PNPLA1: variants seen among roughly 807,000 people sequenced by gnomAD.
PNPLA1 encodes the protein omega-hydroxyceramide transacylase.
PNPLA1 carries 36 observed loss-of-function variants against 51.7 expected under a neutral mutation model. The observed-to-expected ratio is 0.70, with a 90% CI of 0.53 to 0.92. The LOEUF (loss-of-function observed/expected upper bound fraction) is 0.92, where lower values mean the gene tolerates loss of function less well. Among genes scored for constraint, PNPLA1 ranks in the 40% least tolerant of loss-of-function variants. The pLI is 0.00. For synonymous variants in PNPLA1, 293 were observed against 280.1 expected (o/e 1.05, Z -0.46); for missense variants, 658 against 682.5 (o/e 0.96, Z 0.40).
upstream of PNPLA1, among the ~76,000 whole-genome samples, chr6:36,266,077 G>A (rs74891975): frequency 0.031 from 4,714 of 152,278 alleles, 106 homozygotes; most frequent in East Asian, 0.11. Context: ...CCCACTTGAT[G>A]AGGCACTAAA....
intron 6 of PNPLA1, among the ~76,000 whole-genome samples, chr6:36,303,127 C>T (rs1000945539): frequency 1.3e-5 from 2 of 152,098 alleles, no homozygotes; most frequent in Admixed American, 6.5e-5. Flanking sequence ...TGGAATCTCG[C>T]TCTGTCGCCC....
intron 1 of PNPLA1, among the ~76,000 whole-genome samples, chr6:36,290,040 A>T (rs1770627221): frequency 6.6e-6 from 1 of 152,184 alleles, no homozygotes; most frequent in South Asian, 2.1e-4. Context: ...AGTTGGAAGG[A>T]ATCTTAGCCC....
chr6:36,303,824 C>T (rs142920125), intron 6 of PNPLA1, among the ~76,000 whole-genome samples: 16 of 152,258 alleles, frequency 1.1e-4, no homozygotes, highest in African/African-American at 3.9e-4. Context: ...AAGAGTGAAA[C>T]TCCATTTAAA....
intron 1 of PNPLA1, among the ~76,000 whole-genome samples, chr6:36,256,735 T>G (rs1769542245): frequency 6.6e-6 from 1 of 152,136 alleles, no homozygotes; most frequent in South Asian, 2.1e-4. Context: ...TGTGAGCCAC[T>G]GCGCCTGGCC....
intron 1 of PNPLA1, among the ~76,000 whole-genome samples, chr6:36,276,704 A>T (rs1456065878): frequency 6.6e-6 from 1 of 152,184 alleles, no homozygotes; most frequent in African/African-American, 2.4e-5. Flanking sequence ...TCCCCATAAA[A>T]AACTGGCAAG....
chr6:36,258,740 G>A (rs556152285), intron 1 of PNPLA1, among the ~76,000 whole-genome samples: 1 of 152,322 alleles, frequency 6.6e-6, no homozygotes, highest in East Asian at 1.9e-4. Context: ...CTGCCCTGAA[G>A]AAGGTAAACA....
At chr6:36,290,608 T>C (rs1321491306) in intron 1 of PNPLA1, among the ~76,000 whole-genome samples, 2 of 152,222 alleles carry the variant, frequency 1.3e-5, no homozygotes, top group East Asian at 3.8e-4. Flanking sequence ...CTGGTGGGGT[T>C]CTGGGGACTT....
chr6:36,252,698 C>T (rs537118996), intron 1 of PNPLA1, among the ~76,000 whole-genome samples: 49 of 152,070 alleles, frequency 3.2e-4, no homozygotes, highest in Admixed American at 5.9e-4. Flanking sequence ...GGGGAAGCCT[C>T]GTGGAGAGGA....
intron 1 of PNPLA1, among the ~76,000 whole-genome samples, chr6:36,275,235 C>T (rs114831776): frequency 0.012 from 1,783 of 152,142 alleles, 32 homozygotes; most frequent in African/African-American, 0.039. Flanking sequence ...CATGCCACCA[C>T]GCCCGGCTAA....
chr6:36,263,494 C>T (rs971698751), intron 1 of PNPLA1, among the ~76,000 whole-genome samples: 2 of 152,152 alleles, frequency 1.3e-5, no homozygotes, highest in African/African-American at 4.8e-5. Context: ...TTTCATAGCC[C>T]TCAGACTGGC....
rs1769867527 is a variant in PNPLA1, at chr6:36,270,218, T to G, written c.-242T>G. On this transcript the variant is annotated 5_prime_UTR_variant, in exon 1 of 9. Transcript: ENST00000636260. ...CTGCTCACACACCGGGGGAGCCTTC[T>G]GCATCTCATTCTGGGGCCCCTTTCC... 6.6e-6 allele frequency among the ~76,000 whole-genome samples: 1 copy of G among 152,256 alleles called. No individual in the cohort carries two copies. Among genetic ancestry groups the G allele is most frequent in the Non-Finnish European group, 1.5e-5 (1 of 68,036 alleles).
chr6:36,275,233 C>T (rs927164813), intron 1 of PNPLA1, among the ~76,000 whole-genome samples: 1 of 152,076 alleles, frequency 6.6e-6, no homozygotes, highest in African/African-American at 2.4e-5. Context: ...TGCATGCCAC[C>T]ACGCCCGGCT....
At chr6:36,283,723 A>G (rs766863884) in intron 1 of PNPLA1, among the ~76,000 whole-genome samples, 3 of 152,256 alleles carry the variant, frequency 2.0e-5, no homozygotes. Context: ...AACACAAGTT[A>G]GAAGCAGGAT....
At chr6:36,300,178 T>TGTGTGTGTGTGTGTGTGTGAGA in intron 5 of PNPLA1, among the ~76,000 whole-genome samples, 2 of 98,088 alleles carry the variant, frequency 2.0e-5, no homozygotes, top group African/African-American at 6.7e-5. Flanking sequence ...TGTGTGTGTG[T>TGTGTGTGTGTGTGTGTGTGAGA]GAGAGAGAGA....
chr6:36,259,956 A>G (rs1309024773), intron 1 of PNPLA1, among the ~76,000 whole-genome samples: 1 of 152,162 alleles, frequency 6.6e-6, no homozygotes, highest in East Asian at 1.9e-4. Context: ...AAATCTGCAT[A>G]TGTACTACCT....
intron 5 of PNPLA1, 130 bp from the exon 6 acceptor site, chr6:36,301,731 A>T: frequency 7.8e-7 from 1 of 1,282,138 alleles, no homozygotes; most frequent in South Asian, 1.4e-5. Context: ...CTCACTGTAA[A>T]TTCAAGTAAG....
chr6:36,301,815 G>A (rs908477731), intron 5 of PNPLA1, 46 bp from the exon 6 acceptor site: 2 of 1,575,110 alleles, frequency 1.3e-6, no homozygotes, highest in Non-Finnish European at 1.7e-6. Context: ...CAAAGGCCAT[G>A]CTGCTGCCAG....
intron 5 of PNPLA1, among the ~76,000 whole-genome samples, chr6:36,300,522 A>G (rs1362362300): frequency 6.6e-6 from 1 of 152,104 alleles, no homozygotes; most frequent in Admixed American, 6.5e-5. Context: ...TCGGTCAGGT[A>G]TTTTGTAGAA....
intron 1 of PNPLA1, among the ~76,000 whole-genome samples, chr6:36,285,450 C>A (rs1227092335): frequency 6.6e-6 from 1 of 152,226 alleles, no homozygotes. Context: ...TGAACGGCAT[C>A]CTCAGCAGCT....
Sources: allele counts gnomAD v4.1 joint callset (sites outside exome capture counted in the v4.1 genomes callset), GRCh38; gene constraint gnomAD v4.1.1; transcripts MANE v1.5; gene names NCBI Gene and HGNC (gene_info 2026-07-23, HGNC 2026-07-21).